The following RP1 variants were observed in gnomAD, a reference collection of about 807,000 sequenced individuals.
RP1 encodes the protein RP1 axonemal microtubule associated.
In RP1, 16 loss-of-function variants were observed where a neutral mutation model predicts 14.8. The ratio of observed to expected loss-of-function variants is 1.08; its 90% CI spans 0.73 to 1.65. The LOEUF (loss-of-function observed/expected upper bound fraction) is 1.65, where lower values mean the gene tolerates loss of function less well. RP1 is among the 40% of genes most tolerant of loss of function. The pLI, the probability that RP1 is intolerant of heterozygous loss-of-function variation, is 0.00. For synonymous variants in RP1, 876 were observed against 883.6 expected (o/e 0.99, Z 0.15); for missense variants, 2,631 against 2,535.0 (o/e 1.04, Z -0.81).
intron 3 of RP1, among the ~76,000 whole-genome samples, chr8:54,643,033 C>A (rs1182421531): frequency 6.6e-6 from 1 of 151,660 alleles, no homozygotes; most frequent in Non-Finnish European, 1.5e-5. Context: ...ATATTCCTGT[C>A]CATTTTTCCA....
intron 14 of RP1, chr8:54,706,370 C>T: frequency 6.9e-7 from 1 of 1,439,552 alleles, no homozygotes; most frequent in Non-Finnish European, 9.4e-7. Context: ...AGAATTGCCT[C>T]TATAGTTGTC....
At chr8:54,654,676 C>G (rs1251990850) in intron 5 of RP1, among the ~76,000 whole-genome samples, 1 of 152,160 alleles carries the variant, frequency 6.6e-6, no homozygotes, top group Non-Finnish European at 1.5e-5. Flanking sequence ...GAGACAGGGT[C>G]TCTGTCTATT....
exon 23 of RP1, chr8:54,769,774 T>A (rs776357308): frequency 2.5e-5 from 39 of 1,533,992 alleles, no homozygotes; most frequent in Middle Eastern, 3.3e-4. Flanking sequence ...GCATAATTCA[T>A]TCAGAAATTG....
intron 23 of RP1, among the ~76,000 whole-genome samples, chr8:54,782,474 T>C (rs1397254170): frequency 6.6e-6 from 1 of 152,080 alleles, no homozygotes; most frequent in Non-Finnish European, 1.5e-5. Flanking sequence ...GGCAGAATAG[T>C]GGTGGTTTTA....
At chr8:54,668,031 AC>A (rs917933921) in intron 7 of RP1, among the ~76,000 whole-genome samples, 2 of 152,166 alleles carry the variant, frequency 1.3e-5, no homozygotes, top group African/African-American at 4.8e-5. Context: ...CAGAGACACA[AC>A]AAAAAAAGAG....
chr8:54,678,394 C>CA, intron 8 of RP1: 1 of 1,350,278 alleles, frequency 7.4e-7, no homozygotes, highest in Non-Finnish European at 1.0e-6. Context: ...ACTTGTTTCT[C>CA]AAAACTTGAA....
intron 14 of RP1, chr8:54,701,788 T>G (rs1808027113): frequency 2.4e-6 from 2 of 822,580 alleles, no homozygotes; most frequent in Non-Finnish European, 1.8e-6. Flanking sequence ...GTGGCATTGG[T>G]GCCTATTTCC....
chr8:54,765,583 C>A (rs1809741793), intron 22 of RP1, among the ~76,000 whole-genome samples: 1 of 152,202 alleles, frequency 6.6e-6, no homozygotes, highest in Admixed American at 6.5e-5. Context: ...CCTTTCTAGG[C>A]TTTTCTTCCA....
In RP1 at chr8:54,713,830, A is replaced by C. The variant is rs548053110; in HGVS notation, c.2212-6299A>C. ...AAATTGTGTTTACATACATAGCTAC[A>C]TGCAAGATAAATTATTTTGTTTGAA... On this transcript the variant is annotated intron_variant, in intron 15 of 22. Transcript: ENST00000636932. Among the ~76,000 whole-genome samples, 42 of 152,372 alleles carry C rather than the reference A, an allele frequency of 2.8e-4. 2 individuals carry two copies. The South Asian group carries it at 8.5e-3, about 31-fold the overall frequency.
chr8:54,574,524 A>T (rs1191629789), intron 1 of RP1, among the ~76,000 whole-genome samples: 1 of 152,152 alleles, frequency 6.6e-6, no homozygotes, highest in African/African-American at 2.4e-5. Context: ...AAAGGGGAGC[A>T]TCACTTGGGA....
chr8:54,630,381 T>G lies in RP1; in HGVS notation c.*28T>G, dbSNP rs199635513. Reference sequence around the variant, plus strand: ...TCAATATCAGCACACTCATTCTTTGTCAATTCATTTTTTCCCATGAGATGA... The same window carrying G: ...TCAATATCAGCACACTCATTCTTTGGCAATTCATTTTTTCCCATGAGATGA... On this transcript the variant is annotated 3_prime_UTR_variant, in exon 4 of 4. Coordinates refer to ENST00000220676, the MANE Select transcript of RP1 (RefSeq NM_006269.2). 1.2e-6 allele frequency: 2 copies of G among 1,611,830 alleles called. No individual in the cohort carries two copies. Among genetic ancestry groups the G allele is most frequent in the African/African-American group, 1.3e-5 (1 of 75,016 alleles).
In RP1 at chr8:54,647,691, CT is replaced by C. The variant is rs558859683; in HGVS notation, c.788-1284del. ...TCATTACTTCACTTTTGTTTTATTC[CT>C]TTTTTTTTTATTTTGAGATAGGTTC... On this transcript the variant is annotated intron_variant, in intron 3 of 22. Transcript: ENST00000636932. Among the ~76,000 whole-genome samples, 178 of 147,964 alleles carry C rather than the reference CT, an allele frequency of 1.2e-3. 1 individual carries two copies. The East Asian group carries it at 0.015, about 13-fold the overall frequency.
chr8:54,772,515 T>C (rs1391999503), downstream of RP1, among the ~76,000 whole-genome samples: 1 of 152,178 alleles, frequency 6.6e-6, no homozygotes, highest in Non-Finnish European at 1.5e-5. Context: ...GAAGCAGTGA[T>C]GGTAACATTA....
chr8:54,626,998 A>C lies in RP1; in HGVS notation c.3116A>C (p.His1039Pro). ...SAINDHNTKS[H>P]IAAEKSGPEK... ...ATTAATGATCATAATACTAAAAGTC[A>C]TATAGCTGCTGAAAAATCAGGACCA... Residue 1039 changes from histidine to proline, a missense_variant, in exon 4 of 4, where the codon CAT becomes CCT. Physicochemically the swap from His to Pro is moderately conservative, Grantham distance 77. Coordinates refer to ENST00000220676, the MANE Select transcript of RP1 (RefSeq NM_006269.2). 6.2e-7 allele frequency: 1 copy of C among 1,614,054 alleles called. No individual in the cohort carries two copies. Among genetic ancestry groups the C allele is most frequent in the Non-Finnish European group, 8.5e-7 (1 of 1,179,964 alleles).
chr8:54,802,517 G>A (rs1287294228), intron 24 of RP1, among the ~76,000 whole-genome samples: 1 of 152,194 alleles, frequency 6.6e-6, no homozygotes, highest in Non-Finnish European at 1.5e-5. Context: ...TCTTAGGAAA[G>A]ATATGATGAA....
intron 1 of RP1, among the ~76,000 whole-genome samples, chr8:54,582,294 T>C (rs1393609679): frequency 6.6e-6 from 1 of 152,030 alleles, no homozygotes; most frequent in Admixed American, 6.6e-5. Context: ...GTCAGGTTTG[T>C]CAAAGATCAG....
At chr8:54,633,208 A>C (rs1806282473), downstream of RP1, among the ~76,000 whole-genome samples, 1 of 152,158 alleles carries the variant, frequency 6.6e-6, no homozygotes, top group Non-Finnish European at 1.5e-5. Context: ...CTATTAGTAT[A>C]TTTAGTAGCA....
At chr8:54,586,717 G>T (rs566061801) in intron 1 of RP1, among the ~76,000 whole-genome samples, 1 of 152,094 alleles carries the variant, frequency 6.6e-6, no homozygotes, top group Admixed American at 6.5e-5. Context: ...CCCCAGCCTC[G>T]CTGCCACCTT....
chr8:54,821,212 A>G (rs1811249068), intron 24 of RP1, among the ~76,000 whole-genome samples: 1 of 152,172 alleles, frequency 6.6e-6, no homozygotes. Context: ...ATATAGTAAT[A>G]ACCATCAAAA....
Sources: gnomAD v4.1 joint callset for allele counts (sites outside exome capture counted in the v4.1 genomes callset) on GRCh38, gnomAD v4.1.1 for gene constraint, MANE v1.5 for transcripts, NCBI Gene and HGNC (gene_info 2026-07-23, HGNC 2026-07-21) for gene names.